VIRMA: variants seen among roughly 807,000 people sequenced by gnomAD.
VIRMA encodes vir like m6A methyltransferase associated.
VIRMA carries 65 observed loss-of-function variants against 182.4 expected under a neutral mutation model. The ratio of observed to expected loss-of-function variants is 0.36; its 90% CI spans 0.29 to 0.44. VIRMA has a LOEUF of 0.44. VIRMA is among the 20% of genes least tolerant of loss of function. The probability of loss-of-function intolerance (pLI) is 1.00; values close to 1 mark genes in which losing one functional copy is unlikely to be tolerated. For missense variants in VIRMA, 1,752 were observed against 2,158.1 expected (o/e 0.81, Z 3.73); for synonymous variants, 709 against 743.1 (o/e 0.95, Z 0.75).
intron 1 of VIRMA, among the ~76,000 whole-genome samples, chr8:94,551,659 G>A (rs902137257): frequency 1.3e-5 from 2 of 152,134 alleles, no homozygotes; most frequent in South Asian, 2.1e-4. Flanking sequence ...AACTAATGAA[G>A]GCCAATTTTC....
chr8:94,541,637 G>C (rs1337999275), intron 2 of VIRMA, among the ~76,000 whole-genome samples: 1 of 151,624 alleles, frequency 6.6e-6, no homozygotes, highest in African/African-American at 2.4e-5. Flanking sequence ...CACCCCCCAG[G>C]TTCAGGCGAT....
chr8:94,553,288 A>C, intron 1 of VIRMA, 97 bp downstream of exon 1: 1 of 1,207,154 alleles, frequency 8.3e-7, no homozygotes, highest in Non-Finnish European at 1.2e-6. Context: ...AAATTAAAGA[A>C]GCAATCTGCA....
At position 94,526,779 on chromosome 8, in the gene VIRMA, G is replaced by A; in HGVS notation, c.1465C>T (p.Leu489Phe). 1 of 1,614,050 alleles carries A rather than the reference G, an allele frequency of 6.2e-7. No homozygotes were observed. The highest frequency in any genetic ancestry group is 8.5e-7 in the Non-Finnish European group (1 of 1,180,002). ...GATGATACGTGATCAGCAAACAGAA[G>A]TTCAAATAATCCACTGATCACTCCT... ...QAGVISGLFE[L>F]LFADHVSSSL... The change falls in exon 8 of 24, where the codon CTT (leucine) becomes TTT (phenylalanine). Residue 489 changes from leucine to phenylalanine, a missense_variant. Leu to Phe is a conservative substitution (Grantham distance 22, BLOSUM62 0). Coordinates refer to ENST00000297591, the MANE Select transcript of VIRMA (RefSeq NM_015496.5).
intron 11 of VIRMA, 46 bp downstream of exon 11, chr8:94,514,823 C>T: frequency 2.1e-6 from 2 of 943,062 alleles, no homozygotes; most frequent in Non-Finnish European, 3.4e-6. Flanking sequence ...CCATGTACTA[C>T]CACACAGTTT....
At chr8:94,494,764 C>T in intron 20 of VIRMA, 96 bp downstream of exon 20, 2 of 736,264 alleles carry the variant, frequency 2.7e-6, no homozygotes, top group Non-Finnish European at 2.2e-6. Flanking sequence ...TAGACTTTAA[C>T]AGCCATAAAA....
At position 94,511,713 on chromosome 8, in the gene VIRMA, C is replaced by T. The variant is rs371938377; in HGVS notation, c.2862G>A (p.Leu954=). 9.9e-6 allele frequency: 16 copies of T among 1,613,312 alleles called. No homozygotes were observed. The highest frequency in any genetic ancestry group is 1.4e-5 in the Non-Finnish European group (16 of 1,179,562). ...PPPVEGQQKD[L]KWNLAVIQLF... is the part of the protein sequence containing the mutation. ...GCTGAATAACGGCAAGATTCCATTT[C>T]AGATCTTTCTGTTGACCTTTATATA... Residue 954 remains leucine (L), a synonymous_variant, in exon 13 of 24, where the codon CTG becomes CTA. Transcript: ENST00000297591.
At chr8:94,549,767 G>C (rs1487318435) in intron 1 of VIRMA, among the ~76,000 whole-genome samples, 1 of 152,124 alleles carries the variant, frequency 6.6e-6, no homozygotes, top group Non-Finnish European at 1.5e-5. Flanking sequence ...CTCAGGCTCA[G>C]TTTCCTTATC....
intron 15 of VIRMA, among the ~76,000 whole-genome samples, chr8:94,507,296 C>A: frequency 6.6e-6 from 1 of 151,614 alleles, no homozygotes; most frequent in Non-Finnish European, 1.5e-5. Flanking sequence ...GCACCACACC[C>A]GGCTAATTTT....
chr8:94,534,416 C>G (rs192017889), intron 5 of VIRMA: 1 of 173,118 alleles, frequency 5.8e-6, no homozygotes, highest in East Asian at 1.8e-4. Flanking sequence ...TCTAGGAAAA[C>G]AGAGGAAGAA....
rs553184909 is a variant in VIRMA at position 94,506,742 on chromosome 8, T to C, written c.3880-25A>G. ...CCTGTGGGGAGCAGGGAAAAAAAAA[T>C]CGATTTTTTAAATAATTATCACCAT... On this transcript the variant is annotated intron_variant, in intron 15 of 23. Transcript: ENST00000297591. 6 of 1,366,686 alleles carry C rather than the reference T, an allele frequency of 4.4e-6. No homozygotes were observed. In the Admixed American group the frequency reaches 9.4e-5, roughly 21 times the overall value. 84.7% of individuals were successfully genotyped at this position (1,366,686 alleles called of 1,614,324 possible). A position where few individuals can be genotyped will look rare whatever the true frequency, so the allele number is the denominator to read the frequency against.
At chr8:94,510,977 C>A in intron 13 of VIRMA, 2 of 1,376,028 alleles carry the variant, frequency 1.5e-6, no homozygotes, top group South Asian at 3.4e-5. Context: ...CAAAATAAAA[C>A]TCACTTTAAC....
At position 94,537,251 on chromosome 8, in the gene VIRMA, C is replaced by T. The variant is rs145908594; in HGVS notation, c.267-100G>A. 294 of 814,652 alleles carry T rather than the reference C, an allele frequency of 3.6e-4. 2 individuals carry two copies. The African/African-American group carries it at 4.5e-3, about 12-fold the overall frequency. The allele number at this position is 814,652 out of a possible 1,614,324, so 50.5% of individuals were successfully genotyped here. On this transcript the variant is annotated intron_variant, in intron 3 of 23. Transcript: ENST00000297591. ...TCAAATATTTTAATATAATCAAATG[C>T]TAGATTTTTGTTTTGATTCAATAAA...
At chr8:94,514,092 C>A (rs1814466437) in intron 11 of VIRMA, among the ~76,000 whole-genome samples, 2 of 151,818 alleles carry the variant, frequency 1.3e-5, no homozygotes, top group African/African-American at 2.4e-5. Flanking sequence ...CTCTCTCTCA[C>A]ACACACACAC....
At chr8:94,553,267 G>A in intron 1 of VIRMA, 118 bp downstream of exon 1, 1 of 1,006,658 alleles carries the variant, frequency 9.9e-7, no homozygotes, top group Non-Finnish European at 1.6e-6. Context: ...GGGTGTCTGT[G>A]TGTAAGCGAG....
At chr8:94,527,703 A>G (rs1310460404) in intron 7 of VIRMA, among the ~76,000 whole-genome samples, 1 of 152,216 alleles carries the variant, frequency 6.6e-6, no homozygotes, top group East Asian at 1.9e-4. Context: ...AAAAATATCT[A>G]TCTCAGGAGG....
chr8:94,504,974 T>C (rs150908215), intron 16 of VIRMA, among the ~76,000 whole-genome samples: 4 of 152,320 alleles, frequency 2.6e-5, no homozygotes, highest in African/African-American at 9.6e-5. Context: ...ATAGCACAGG[T>C]GTACAAAAAA....
intron 10 of VIRMA, among the ~76,000 whole-genome samples, chr8:94,516,448 T>C (rs1270780553): frequency 6.6e-6 from 1 of 152,184 alleles, no homozygotes; most frequent in Non-Finnish European, 1.5e-5. Context: ...ATAACTCCTA[T>C]ATTCTATCAC....
chr8:94,510,908 A>T (rs1299556945), intron 13 of VIRMA: 10 of 1,132,160 alleles, frequency 8.8e-6, no homozygotes, highest in Non-Finnish European at 1.2e-5. Context: ...ACACATGGTA[A>T]GGTGTGGGGG....
At chr8:94,490,427 T>C (rs1813570099) in intron 22 of VIRMA, among the ~76,000 whole-genome samples, 1 of 152,248 alleles carries the variant, frequency 6.6e-6, no homozygotes. Flanking sequence ...ACACCTAATC[T>C]AAGTGTTTGT....
Sources: gnomAD v4.1 joint callset for allele counts (sites outside exome capture counted in the v4.1 genomes callset) on GRCh38, gnomAD v4.1.1 for gene constraint, MANE v1.5 for transcripts, NCBI Gene and HGNC (gene_info 2026-07-23, HGNC 2026-07-21) for gene names.